CLTCL1: variants seen among roughly 807,000 people sequenced by gnomAD.
The protein encoded by CLTCL1 is clathrin heavy chain like 1, also known as clathrin heavy chain 2.
In CLTCL1, 159 loss-of-function variants were observed where a neutral mutation model predicts 190.0. The ratio of observed to expected loss-of-function variants is 0.84; its 90% CI spans 0.74 to 0.95. CLTCL1 has a LOEUF of 0.95. CLTCL1 is among the 40% of genes least tolerant of loss of function. CLTCL1 has a pLI of 0.00. For missense variants in CLTCL1, 1,878 were observed against 2,033.4 expected (o/e 0.92, Z 1.47); for synonymous variants, 752 against 769.6 (o/e 0.98, Z 0.38).
intron 26 of CLTCL1, 110 bp from the exon 27 acceptor site, chr22:19,191,545 A>G: frequency 7.5e-7 from 1 of 1,330,794 alleles, no homozygotes; most frequent in East Asian, 2.3e-5. Flanking sequence ...TGCCATGACT[A>G]CCCCCTATAA....
intron 22 of CLTCL1, among the ~76,000 whole-genome samples, chr22:19,205,230 C>A (rs1441854881): frequency 3.3e-5 from 5 of 152,140 alleles, no homozygotes; most frequent in Non-Finnish European, 7.4e-5. Flanking sequence ...TATTTCTTGG[C>A]CGGGCACAGT....
At chr22:19,180,832 C>A (rs781816373) in intron 30 of CLTCL1, 26 bp from the exon 31 acceptor site, 1 of 1,610,280 alleles carries the variant, frequency 6.2e-7, no homozygotes. Flanking sequence ...AGCACGTGAG[C>A]ACCCGCTTGA....
intron 1 of CLTCL1, 134 bp downstream of exon 1, chr22:19,291,466 A>C: frequency 4.9e-6 from 4 of 808,430 alleles, no homozygotes; most frequent in East Asian, 3.7e-5. Context: ...GCCCCAGCCC[A>C]GGTGGGAGGT....
At chr22:19,264,003 T>C (rs2087039049) in intron 2 of CLTCL1, among the ~76,000 whole-genome samples, 1 of 151,944 alleles carries the variant, frequency 6.6e-6, no homozygotes, top group African/African-American at 2.4e-5. Context: ...AATAGTCCAG[T>C]TAAAAAATGA....
intron 2 of CLTCL1, among the ~76,000 whole-genome samples, chr22:19,263,910 T>G (rs2087036737): frequency 6.6e-6 from 1 of 152,194 alleles, no homozygotes; most frequent in African/African-American, 2.4e-5. Flanking sequence ...AAGGTATGCC[T>G]GTATATGGAA....
chr22:19,180,182 C>T lies in CLTCL1; in HGVS notation c.*20+17G>A, dbSNP rs782379270. The T allele has an allele frequency of 6.2e-7, 1 of 1,612,128 alleles. No individual in the cohort carries two copies. The highest frequency in any genetic ancestry group is 8.5e-7 in the Non-Finnish European group (1 of 1,178,394). ...GCCTGGCTAGAGGATAAGCTAGTCT[C>T]CAAATGGGACACTTACTTAGTGCAA... is the stretch of plus-strand genomic sequence containing the variant. On this transcript the variant is annotated intron_variant, in intron 32 of 32. Transcript: ENST00000427926.
Position 19,198,549 on chromosome 22 carries a change from G to C in CLTCL1, c.3873+1185C>G, listed in dbSNP as rs1460776945. 6.6e-6 allele frequency among the ~76,000 whole-genome samples: 1 copy of C among 152,050 alleles called. No homozygotes were observed. The highest frequency in any genetic ancestry group is 2.4e-5 in the African/African-American group (1 of 41,398). On this transcript the variant is annotated intron_variant, in intron 24 of 32. Transcript: ENST00000427926. This position sits in a 1 kb window ranked among gnomAD's most constrained non-coding sequence, Gnocchi z 4.1. Reference sequence around the variant, plus strand: ...AATACACAGCACACTTCTGCCTCAGGACTTTGCCTGGCCACTGACCCTTCC... The same window carrying C: ...AATACACAGCACACTTCTGCCTCAGCACTTTGCCTGGCCACTGACCCTTCC...
chr22:19,193,602 G>A (rs1462679454), intron 26 of CLTCL1, among the ~76,000 whole-genome samples: 4 of 152,254 alleles, frequency 2.6e-5, no homozygotes, highest in African/African-American at 9.6e-5. Flanking sequence ...TGGGCGTGGT[G>A]GCTCACGCCT....
intron 22 of CLTCL1, among the ~76,000 whole-genome samples, chr22:19,206,499 A>G (rs1182701955): frequency 6.6e-6 from 1 of 151,832 alleles, no homozygotes; most frequent in Non-Finnish European, 1.5e-5. Flanking sequence ...TTCCACCTCT[A>G]TCTCCAGAGT....
chr22:19,222,842 A>T, intron 14 of CLTCL1, 33 bp from the exon 15 acceptor site: 2 of 1,577,190 alleles, frequency 1.3e-6, no homozygotes, highest in Non-Finnish European at 1.7e-6. Flanking sequence ...CAAGTCAGGG[A>T]GTGGAGAAAC....
rs1555925499 is a variant in CLTCL1, at chr22:19,180,807, C to G, written c.4828-1G>C. 6.2e-7 allele frequency: 1 copy of G among 1,613,622 alleles called. No homozygotes were observed. Among genetic ancestry groups the G allele is most frequent in the Non-Finnish European group, 8.5e-7 (1 of 1,179,796 alleles). On this transcript the variant is annotated splice_acceptor_variant, in intron 30 of 32. Transcript: ENST00000427926. LOFTEE classifies it high-confidence loss of function. ...TCTCCAAGGCATCCAGTTTGTCCAC[C>G]TGCAAGGAGGCAAAAGCACGTGAGC... is the stretch of plus-strand genomic sequence containing the variant.
intron 29 of CLTCL1, among the ~76,000 whole-genome samples, chr22:19,185,434 C>T (rs1490614394): frequency 1.3e-5 from 2 of 151,680 alleles, no homozygotes; most frequent in African/African-American, 4.8e-5. Context: ...TCACGCCATT[C>T]TCCTGCCTCA....
chr22:19,253,413 C>T (rs1555971045), intron 3 of CLTCL1, among the ~76,000 whole-genome samples: 1 of 152,190 alleles, frequency 6.6e-6, no homozygotes, highest in Non-Finnish European at 1.5e-5. Flanking sequence ...GGCCACGGTC[C>T]CTCCCTGCCC....
chr22:19,275,924 G>A, intron 1 of CLTCL1, 94 bp from the exon 2 acceptor site: 2 of 1,121,368 alleles, frequency 1.8e-6, no homozygotes, highest in Admixed American at 2.4e-5. Flanking sequence ...ATAAAATTTA[G>A]AAAAAAGTTA....
In CLTCL1 at chr22:19,210,505, G is replaced by T; in HGVS notation, c.3070C>A (p.Leu1024Ile). ...DNSVFSEHRN[L>I]QNLLILTAIK... ...GCAGTCAGGATCAACAGATTCTGTA[G>T]ATTCCTGAGGAGAGAGGGTGGTCAG... Residue 1024 changes from leucine (L) to isoleucine (I), a missense_variant, in exon 20 of 33, where the codon CTA becomes ATA. Physicochemically the swap from Leu to Ile is conservative, Grantham distance 5 (BLOSUM62 2). Coordinates refer to ENST00000427926, the MANE Select transcript of CLTCL1 (RefSeq NM_007098.4). 4 of 1,612,426 alleles carry T rather than the reference G, an allele frequency of 2.5e-6. No individual in the cohort carries two copies. The highest frequency in any genetic ancestry group is 3.4e-6 in the Non-Finnish European group (4 of 1,178,870).
chr22:19,214,317 T>C (rs1441924252), intron 19 of CLTCL1, among the ~76,000 whole-genome samples: 1 of 152,178 alleles, frequency 6.6e-6, no homozygotes, highest in Admixed American at 6.5e-5. Context: ...CATCGGATGA[T>C]GCACTGTGGC....
rs782238358 is a variant in CLTCL1, at chr22:19,183,359, G to C, written c.4827+31C>G. 8.2e-6 allele frequency: 13 copies of C among 1,590,214 alleles called. No individual in the cohort carries two copies. In the Admixed American group the frequency reaches 8.5e-5, roughly 10 times the overall value. On this transcript the variant is annotated intron_variant, in intron 30 of 32. Transcript: ENST00000427926. Reference sequence around the variant, plus strand: ...CAGGGTTGGGTCATGCCACACAGGGGCCGGGGAGCTGCAGCCGGCCCGGCA... The same window carrying C: ...CAGGGTTGGGTCATGCCACACAGGGCCCGGGGAGCTGCAGCCGGCCCGGCA...
intron 28 of CLTCL1, 83 bp from the exon 29 acceptor site, chr22:19,187,811 G>A: frequency 1.4e-6 from 2 of 1,456,788 alleles, no homozygotes; most frequent in South Asian, 1.2e-5. Flanking sequence ...GTTACTTGAT[G>A]GCTGTTGCTA....
chr22:19,188,361 G>A (rs1025042296), intron 27 of CLTCL1, among the ~76,000 whole-genome samples: 3 of 152,212 alleles, frequency 2.0e-5, no homozygotes, highest in Non-Finnish European at 4.4e-5. Context: ...AGTGAACATT[G>A]CAATAAAGTG....
Sources: gnomAD v4.1 joint callset for allele counts (sites outside exome capture counted in the v4.1 genomes callset) on GRCh38, gnomAD v4.1.1 for gene constraint, Gnocchi (gnomAD v3.1) non-coding constraint, MANE v1.5 for transcripts, NCBI Gene and HGNC (gene_info 2026-07-23, HGNC 2026-07-21) for gene names.